GPBP1: variants seen among roughly 807,000 people sequenced by gnomAD.
GPBP1 encodes vasculin.
A neutral mutation model predicts 56.5 loss-of-function variants in GPBP1; 13 were observed. The observed-to-expected ratio is 0.23, with a 90% CI of 0.15 to 0.37. The LOEUF is 0.37. Ranked by LOEUF, GPBP1 falls within the 10% of genes least tolerant of loss-of-function variation. The pLI is 1.00. For synonymous variants in GPBP1, 204 were observed against 188.9 expected (o/e 1.08, Z -0.66); for missense variants, 477 against 572.3 (o/e 0.83, Z 1.70).
chr5:57,237,453 A>G, intron 6 of GPBP1: 1 of 351,790 alleles, frequency 2.8e-6, no homozygotes, highest in South Asian at 4.6e-5. Flanking sequence ...TAATATGAAG[A>G]TTTTGGTTCT....
intron 10 of GPBP1, among the ~76,000 whole-genome samples, chr5:57,257,679 T>C (rs1741725022): frequency 6.6e-6 from 1 of 152,120 alleles, no homozygotes; most frequent in Non-Finnish European, 1.5e-5. Flanking sequence ...GGTCTTGAAC[T>C]CCTAGCCTCA....
At chr5:57,221,516 A>G (rs1435391235) in intron 3 of GPBP1, 3 of 627,874 alleles carry the variant, frequency 4.8e-6, no homozygotes, top group Non-Finnish European at 8.4e-6. Flanking sequence ...CTGTATCTTC[A>G]TAATTGTTTG....
At chr5:57,246,547 G>A in intron 7 of GPBP1, 63 bp downstream of exon 7, 20 of 1,360,126 alleles carry the variant, frequency 1.5e-5, no homozygotes, top group Admixed American at 2.1e-5. Flanking sequence ...TCCTATGGGG[G>A]GAAATGTTAA....
intron 10 of GPBP1, among the ~76,000 whole-genome samples, chr5:57,252,053 C>T (rs1373024439): frequency 1.3e-5 from 2 of 152,090 alleles, no homozygotes; most frequent in East Asian, 1.9e-4. Flanking sequence ...GTATAAGTCT[C>T]ATATATGATT....
At position 57,231,193 on chromosome 5, in the gene GPBP1, T is replaced by A. The variant is rs758496979; in HGVS notation, c.283T>A (p.Ser95Thr). The A allele has an allele frequency of 3.1e-6, 5 of 1,614,106 alleles. No homozygotes were observed. The South Asian group carries it at 4.4e-5, about 14-fold the overall frequency. The change falls in exon 5 of 12, where the codon TCC (serine) becomes ACC (threonine). Residue 95 changes from serine (S) to threonine (T), a missense_variant. By Grantham distance (58) the Ser-to-Thr change is moderately conservative (BLOSUM62 1). Coordinates refer to ENST00000506184, the MANE Select transcript of GPBP1 (RefSeq NM_022913.4). The stretch of plus-strand genomic sequence containing the variant: ...TCGAGGTGGATACCATGGTGGAAGT[T>A]CCCGTTCTCGTAGCAGTATTTTCCA... Reference protein sequence around the residue: ...NHRGGYHGGSSRSRSSIFHAG... With the variant: ...NHRGGYHGGSTRSRSSIFHAG...
chr5:57,188,860 T>A (rs1341330236), intron 2 of GPBP1, among the ~76,000 whole-genome samples: 2 of 152,316 alleles, frequency 1.3e-5, no homozygotes, highest in Middle Eastern at 3.4e-3. Context: ...CACGTGGGAA[T>A]CATCTTTGGC....
chr5:57,193,346 GGC>G (rs1754609832), intron 2 of GPBP1, among the ~76,000 whole-genome samples: 1 of 151,714 alleles, frequency 6.6e-6, no homozygotes, highest in African/African-American at 2.4e-5. Context: ...CGAGTGCCGT[GGC>G]TTACTCCTGT....
intron 6 of GPBP1, among the ~76,000 whole-genome samples, chr5:57,243,069 G>GT (rs1252091632): frequency 1.3e-5 from 2 of 148,872 alleles, no homozygotes; most frequent in African/African-American, 4.9e-5. Context: ...TACTTTTTTT[G>GT]TTTTTTTCTT....
chr5:57,233,558 A>G (rs1234581411), intron 5 of GPBP1, among the ~76,000 whole-genome samples: 2 of 152,186 alleles, frequency 1.3e-5, no homozygotes, highest in African/African-American at 2.4e-5. Flanking sequence ...CATATTTTGT[A>G]TGTGTATTGT....
intron 10 of GPBP1, among the ~76,000 whole-genome samples, chr5:57,254,608 T>G (rs150151098): frequency 0.015 from 2,339 of 151,026 alleles, 139 homozygotes; most frequent in East Asian, 0.098. Context: ...GGCATGAGAA[T>G]CACTTGAATC....
At chr5:57,214,257 T>C (rs1426302814) in intron 3 of GPBP1, 64 bp downstream of exon 3, 1 of 1,310,534 alleles carries the variant, frequency 7.6e-7, no homozygotes, top group African/African-American at 1.4e-5. Context: ...ACAAATGTAA[T>C]TAAGTCATGG....
chr5:57,186,832 A>G (rs187580801), intron 2 of GPBP1, among the ~76,000 whole-genome samples: 43 of 152,156 alleles, frequency 2.8e-4, no homozygotes, highest in Admixed American at 2.5e-3. Flanking sequence ...TGGCCTCCCA[A>G]AGTATTGGGA....
chr5:57,250,916 C>T (rs1461382509), intron 9 of GPBP1, 38 bp from the exon 10 acceptor site: 2 of 1,290,376 alleles, frequency 1.5e-6, no homozygotes, highest in South Asian at 2.7e-5. Flanking sequence ...TTCTGTAGAA[C>T]TCATTCTTTT....
chr5:57,196,026 AG>A (rs1754733165), intron 2 of GPBP1, among the ~76,000 whole-genome samples: 1 of 142,842 alleles, frequency 7.0e-6, no homozygotes, highest in Admixed American at 7.0e-5. Context: ...TTTGTTTGCA[AG>A]GGTTGAGATA....
Position 57,249,296 on chromosome 5 carries a change from T to A in GPBP1, c.805-113T>A, listed in dbSNP as rs1741249323. On this transcript the variant is annotated intron_variant, in intron 8 of 11. Transcript: ENST00000506184. ...CTAGACTGTAACATAGACATTATAA[T>A]CAATTTTATTTTGTGAGTAAAGGTA... is the stretch of plus-strand genomic sequence containing the variant. 5.2e-6 allele frequency: 4 copies of A among 767,678 alleles called. No individual in the cohort carries two copies. The Admixed American group carries it at 9.2e-5, about 18-fold the overall frequency. The allele number at this position is 767,678 out of a possible 1,614,324, so 47.6% of individuals were successfully genotyped here.
chr5:57,200,151 G>T (rs1373502200), intron 2 of GPBP1, among the ~76,000 whole-genome samples: 2 of 99,724 alleles, frequency 2.0e-5, no homozygotes, highest in Non-Finnish European at 3.7e-5. Flanking sequence ...CCCCTCCCCT[G>T]CTTCCTTCCC....
intron 10 of GPBP1, among the ~76,000 whole-genome samples, chr5:57,253,273 G>C (rs1741477105): frequency 6.6e-6 from 1 of 152,070 alleles, no homozygotes; most frequent in South Asian, 2.1e-4. Flanking sequence ...TATACCCTTA[G>C]ATTATCATAT....
At position 57,197,183 on chromosome 5, in the gene GPBP1, A is replaced by AT. The variant is rs892646582; in HGVS notation, c.-57-16882dup. ...CCTGCCTGGCCATCACATCTAGCCC[A>AT]TTTTTTTTTAAAAAAGTAATTTATA... On this transcript the variant is annotated intron_variant, in intron 2 of 11. Coordinates refer to ENST00000506184, the MANE Select transcript of GPBP1 (RefSeq NM_022913.4). 6.5e-4 allele frequency among the ~76,000 whole-genome samples: 98 copies of AT among 151,102 alleles called. 1 individual carries two copies. Among genetic ancestry groups the AT allele is most frequent in the Middle Eastern group, 3.5e-3 (1 of 288 alleles).
intron 2 of GPBP1, among the ~76,000 whole-genome samples, chr5:57,205,527 C>A (rs968420291): frequency 6.6e-6 from 1 of 150,912 alleles, no homozygotes; most frequent in African/African-American, 2.4e-5. Flanking sequence ...TACCTTCACA[C>A]CAGCAATATA....
Sources: gnomAD v4.1 joint callset for allele counts (sites outside exome capture counted in the v4.1 genomes callset) on GRCh38, gnomAD v4.1.1 for gene constraint, MANE v1.5 for transcripts, NCBI Gene and HGNC (gene_info 2026-07-23, HGNC 2026-07-21) for gene names.